ZFHX3: variants seen among roughly 807,000 people sequenced by gnomAD.
ZFHX3 encodes zinc finger homeobox 3, also known as zinc finger homeobox protein 3.
ZFHX3 carries 42 observed loss-of-function variants against 279.1 expected under a neutral mutation model. That is an observed-to-expected ratio of 0.15 (90% CI 0.12 to 0.19). ZFHX3 has a LOEUF of 0.19. ZFHX3 is among the 10% of genes least tolerant of loss of function. The pLI is 1.00. For synonymous variants in ZFHX3, 2,293 were observed against 1,957.8 expected (o/e 1.17, Z -4.52); for missense variants, 4,981 against 4,754.0 (o/e 1.05, Z -1.40).
intron 1 of ZFHX3, among the ~76,000 whole-genome samples, chr16:73,788,349 G>A (rs896091702): frequency 6.6e-6 from 1 of 152,178 alleles, no homozygotes; most frequent in African/African-American, 2.4e-5. Flanking sequence ...GGAGAGAATA[G>A]TAGAGAGGGC....
chr16:73,698,441 T>C (rs890260596), intron 1 of ZFHX3, among the ~76,000 whole-genome samples: 2 of 152,160 alleles, frequency 1.3e-5, no homozygotes, highest in South Asian at 2.1e-4. Flanking sequence ...CAAGAACTCA[T>C]AATATTTGAT....
intron 2 of ZFHX3, among the ~76,000 whole-genome samples, chr16:73,506,588 C>T (rs757432109): frequency 3.6e-4 from 55 of 152,312 alleles, no homozygotes; most frequent in South Asian, 2.3e-3. Context: ...GGCTCTGACA[C>T]CCCCTGGCCA....
intron 5 of ZFHX3, among the ~76,000 whole-genome samples, chr16:73,234,277 C>T (rs2012874277): frequency 6.6e-6 from 1 of 152,170 alleles, no homozygotes; most frequent in Admixed American, 6.5e-5. Flanking sequence ...ATGTTAAATG[C>T]AGGAGATGAA....
chr16:73,766,885 G>A (rs918301241), intron 1 of ZFHX3, among the ~76,000 whole-genome samples: 3 of 151,464 alleles, frequency 2.0e-5, no homozygotes, highest in African/African-American at 7.3e-5. Flanking sequence ...GACATTTATG[G>A]TGTTAAGTAT....
chr16:73,526,027 G>T (rs1431586480), intron 2 of ZFHX3, among the ~76,000 whole-genome samples: 1 of 152,196 alleles, frequency 6.6e-6, no homozygotes, highest in African/African-American at 2.4e-5. Context: ...GGTGGTTGGG[G>T]ACGGGGAAGG....
intron 2 of ZFHX3, among the ~76,000 whole-genome samples, chr16:73,639,522 T>C (rs972890512): frequency 1.5e-4 from 23 of 152,144 alleles, no homozygotes; most frequent in African/African-American, 5.1e-4. Flanking sequence ...AAAGTTAATA[T>C]TAAAACAGAA....
At chr16:73,440,940 C>T (rs1295231944) in intron 3 of ZFHX3, among the ~76,000 whole-genome samples, 3 of 152,132 alleles carry the variant, frequency 2.0e-5, no homozygotes, top group Non-Finnish European at 4.4e-5. Context: ...AACAGATTTC[C>T]ATGAGAATGA....
At chr16:73,683,325 C>A (rs2053046361) in intron 1 of ZFHX3, among the ~76,000 whole-genome samples, 1 of 152,114 alleles carries the variant, frequency 6.6e-6, no homozygotes, top group Admixed American at 6.6e-5. Flanking sequence ...GAGGAGGGGG[C>A]AGTCAGGTTG....
intron 2 of ZFHX3, among the ~76,000 whole-genome samples, chr16:73,462,749 A>G (rs1170313580): frequency 2.6e-5 from 4 of 152,282 alleles, no homozygotes; most frequent in East Asian, 3.9e-4. Flanking sequence ...CCAGTCTTAC[A>G]TCCCTATAAT....
chr16:73,489,412 T>A (rs1364028525), intron 2 of ZFHX3, among the ~76,000 whole-genome samples: 1 of 152,200 alleles, frequency 6.6e-6, no homozygotes, highest in African/African-American at 2.4e-5. Flanking sequence ...CCATAGCTTC[T>A]CTAGATCATT....
At chr16:72,986,559 T>G (rs1281410233) in intron 1 of ZFHX3, among the ~76,000 whole-genome samples, 1 of 152,148 alleles carries the variant, frequency 6.6e-6, no homozygotes, top group Admixed American at 6.5e-5. Flanking sequence ...CCCATTTAGT[T>G]TTTATTAGCA....
At chr16:73,491,354 A>G (rs532399752) in intron 2 of ZFHX3, among the ~76,000 whole-genome samples, 1 of 152,228 alleles carries the variant, frequency 6.6e-6, no homozygotes, top group Non-Finnish European at 1.5e-5. Context: ...AATTGGTCAC[A>G]TGGCTTCAAT....
intron 1 of ZFHX3, among the ~76,000 whole-genome samples, chr16:73,003,613 G>A (rs940633197): frequency 6.6e-6 from 1 of 151,466 alleles, no homozygotes; most frequent in Non-Finnish European, 1.5e-5. Flanking sequence ...GGCTAAGGCA[G>A]GAGAGTCGCC....
chr16:73,026,470 G>A (rs990542266), intron 1 of ZFHX3, among the ~76,000 whole-genome samples: 25 of 151,942 alleles, frequency 1.6e-4, no homozygotes, highest in Admixed American at 8.5e-4. Flanking sequence ...TTAGGAGTTC[G>A]AGACCAGCCT....
intron 5 of ZFHX3, among the ~76,000 whole-genome samples, chr16:73,183,544 C>T (rs1419776430): frequency 6.6e-6 from 1 of 152,208 alleles, no homozygotes; most frequent in South Asian, 2.1e-4. Context: ...TGACTGAACT[C>T]CTTGTTCACG....
At chr16:72,875,920 G>A (rs182278355) in intron 4 of ZFHX3, among the ~76,000 whole-genome samples, 206 of 152,328 alleles carry the variant, frequency 1.4e-3, no homozygotes, top group Middle Eastern at 3.4e-3. Context: ...GTGAACACCT[G>A]TGATGATAAC....
chr16:73,773,607 G>C (rs1013152828), intron 1 of ZFHX3, among the ~76,000 whole-genome samples: 1 of 152,212 alleles, frequency 6.6e-6, no homozygotes, highest in South Asian at 2.1e-4. Context: ...GAAAGGGACA[G>C]AGAGAGGGCC....
Position 73,143,731 on chromosome 16 carries a change from A to C in ZFHX3, c.-1024+21T>G, listed in dbSNP as rs574497660. 8.4e-6 allele frequency: 11 copies of C among 1,304,174 alleles called. No individual in the cohort carries two copies. In the Admixed American group the frequency reaches 2.1e-4, roughly 24 times the overall value. 80.8% of individuals were successfully genotyped at this position (1,304,174 alleles called of 1,614,324 possible). ...GGTATAACATTTTCTTTCATTGAGA[A>C]ACAAGAAAGCTGGAACTCACCTCTC... On this transcript the variant is annotated intron_variant, in intron 6 of 17. Coordinates refer to the ZFHX3 transcript ENST00000641206.
Position 73,134,939 on chromosome 16 carries a change from T to C in ZFHX3, c.-1023-3845A>G, listed in dbSNP as rs372575565. On this transcript the variant is annotated intron_variant, in intron 6 of 17. Transcript: ENST00000641206. The stretch of plus-strand genomic sequence containing the variant: ...AGCAACTTCAGCTCAGGTCTCAGAA[T>C]AAAGACAAAATAGAGAGGAGATGCA... Among the ~76,000 whole-genome samples the C allele has an allele frequency of 2.0e-5, 3 of 152,174 alleles. 1 individual carries two copies. The highest frequency in any genetic ancestry group is 2.1e-4 in the South Asian group (1 of 4,818).
Sources: gnomAD v4.1 joint callset for allele counts (sites outside exome capture counted in the v4.1 genomes callset) on GRCh38, gnomAD v4.1.1 for gene constraint, MANE v1.5 for transcripts, NCBI Gene and HGNC (gene_info 2026-07-23, HGNC 2026-07-21) for gene names.